STXBP5L: variants seen among roughly 807,000 people sequenced by gnomAD.
STXBP5L encodes syntaxin-binding protein 5-like.
Under a neutral mutation model 144.5 loss-of-function variants are expected in STXBP5L, and 65 were observed. The observed-to-expected ratio is 0.45, with a 90% CI of 0.37 to 0.55. STXBP5L has a LOEUF of 0.55. Among genes scored for constraint, STXBP5L ranks in the 20% least tolerant of loss-of-function variants. The probability of loss-of-function intolerance (pLI) is 0.00; values close to 1 mark genes in which losing one functional copy is unlikely to be tolerated. For synonymous variants in STXBP5L, 505 were observed against 469.6 expected (o/e 1.08, Z -0.97); for missense variants, 1,298 against 1,405.5 (o/e 0.92, Z 1.22).
intron 19 of STXBP5L, among the ~76,000 whole-genome samples, chr3:121,302,155 G>A (rs936985134): frequency 3.3e-5 from 5 of 152,190 alleles, no homozygotes; most frequent in East Asian, 1.9e-4. Flanking sequence ...GGTAGAATTC[G>A]GCTGTGAATA....
chr3:121,271,738 T>C (rs1260400120), intron 18 of STXBP5L, among the ~76,000 whole-genome samples: 1 of 152,206 alleles, frequency 6.6e-6, no homozygotes, highest in Non-Finnish European at 1.5e-5. Context: ...ACTGCATCAA[T>C]TAAAACTGTA....
At chr3:121,236,935 C>T (rs2049502583) in intron 12 of STXBP5L, among the ~76,000 whole-genome samples, 1 of 152,222 alleles carries the variant, frequency 6.6e-6, no homozygotes, top group Non-Finnish European at 1.5e-5. Flanking sequence ...CTTTAAAACA[C>T]AGCAGAGTAG....
intron 3 of STXBP5L, among the ~76,000 whole-genome samples, chr3:120,959,639 C>T (rs1466379430): frequency 6.6e-6 from 1 of 152,096 alleles, no homozygotes; most frequent in Non-Finnish European, 1.5e-5. Context: ...CTGACAAAAA[C>T]AAGAAAGGGG....
chr3:121,384,702 C>T (rs2046388970), intron 22 of STXBP5L, among the ~76,000 whole-genome samples: 1 of 151,558 alleles, frequency 6.6e-6, no homozygotes, highest in African/African-American at 2.4e-5. Flanking sequence ...CAGTACAAAA[C>T]TTGTGATGCA....
intron 20 of STXBP5L, among the ~76,000 whole-genome samples, chr3:121,334,276 T>G (rs1370565308): frequency 6.6e-6 from 1 of 152,064 alleles, no homozygotes; most frequent in Non-Finnish European, 1.5e-5. Flanking sequence ...ACCAGAAAAG[T>G]CCAGGTCCAG....
intron 3 of STXBP5L, among the ~76,000 whole-genome samples, chr3:121,033,226 GA>G (rs2107516282): frequency 7.1e-6 from 1 of 140,332 alleles, no homozygotes; most frequent in East Asian, 2.1e-4. Flanking sequence ...ATACACCATG[GA>G]ATACTATGCA....
At chr3:121,196,338 C>T (rs976781124) in intron 9 of STXBP5L, among the ~76,000 whole-genome samples, 5 of 151,846 alleles carry the variant, frequency 3.3e-5, no homozygotes, top group Non-Finnish European at 7.4e-5. Context: ...GGGATTTCAT[C>T]ATGTTGGTCA....
intron 3 of STXBP5L, among the ~76,000 whole-genome samples, chr3:120,960,610 G>A (rs1245184159): frequency 1.3e-5 from 2 of 152,114 alleles, no homozygotes; most frequent in African/African-American, 4.8e-5. Flanking sequence ...TCCTTTGTAG[G>A]GACATGGATG....
chr3:121,136,228 G>A (rs1399986308), intron 7 of STXBP5L, among the ~76,000 whole-genome samples: 1 of 152,182 alleles, frequency 6.6e-6, no homozygotes, highest in African/African-American at 2.4e-5. Flanking sequence ...CGAAGGAAAG[G>A]AAAGTATAAG....
At chr3:121,087,547 A>G (rs1225757049) in intron 5 of STXBP5L, among the ~76,000 whole-genome samples, 1 of 152,042 alleles carries the variant, frequency 6.6e-6, no homozygotes, top group Admixed American at 6.6e-5. Context: ...CTTATACTTT[A>G]AAGTTAGCTA....
intron 3 of STXBP5L, among the ~76,000 whole-genome samples, chr3:120,972,858 G>T (rs945927780): frequency 6.6e-6 from 1 of 152,024 alleles, no homozygotes; most frequent in Non-Finnish European, 1.5e-5. Context: ...TTCAGTTTAT[G>T]TGGTGAATCA....
intron 20 of STXBP5L, among the ~76,000 whole-genome samples, chr3:121,326,011 A>AAT (rs2044134031): frequency 6.6e-6 from 1 of 151,864 alleles, no homozygotes; most frequent in Admixed American, 6.6e-5. Context: ...AAAAAAAAAA[A>AAT]AGTGGGTTGA....
chr3:121,378,717 C>G lies in STXBP5L; in HGVS notation c.2178C>G (p.Asp726Glu). 6.2e-7 allele frequency: 1 copy of G among 1,613,120 alleles called. No homozygotes were observed. The highest frequency in any genetic ancestry group is 8.5e-7 in the Non-Finnish European group (1 of 1,179,558). Reference sequence around the variant, plus strand: ...GCTGCCTTCCTCCTCTTGGCACAGACCATGTAAATGGACACTGCACAAGTC... The same window carrying G: ...GCTGCCTTCCTCCTCTTGGCACAGAGCATGTAAATGGACACTGCACAAGTC... ...ELERCKSPTS[D>E]HVNGHCTSPT... The change falls in exon 21 of 27, where the codon GAC becomes GAG. Residue 726 changes from aspartate (D) to glutamate (E), a missense_variant and splice_region_variant. By Grantham distance (45) the Asp-to-Glu change is conservative. Coordinates refer to ENST00000471454, the MANE Select transcript of STXBP5L (RefSeq NM_001308330.2).
chr3:121,285,680 C>T (rs1295215239), intron 19 of STXBP5L, among the ~76,000 whole-genome samples: 2 of 152,068 alleles, frequency 1.3e-5, no homozygotes, highest in African/African-American at 4.8e-5. Flanking sequence ...GAACAGCAGA[C>T]ATCTGATCAG....
chr3:121,170,492 A>G (rs748657004), intron 9 of STXBP5L, among the ~76,000 whole-genome samples: 5 of 152,330 alleles, frequency 3.3e-5, no homozygotes, highest in Admixed American at 6.5e-5. Context: ...AGACACAATA[A>G]AAAATGATAA....
chr3:121,265,083 A>C (rs1215405493), intron 18 of STXBP5L, among the ~76,000 whole-genome samples: 2 of 152,216 alleles, frequency 1.3e-5, no homozygotes, highest in Non-Finnish European at 2.9e-5. Flanking sequence ...AAAATTAATA[A>C]GGATATTCTG....
At chr3:121,215,929 CT>C (rs1408295909) in intron 10 of STXBP5L, among the ~76,000 whole-genome samples, 1 of 152,096 alleles carries the variant, frequency 6.6e-6, no homozygotes, top group Non-Finnish European at 1.5e-5. Context: ...CTAATGTTTT[CT>C]TCATGCTTTA....
intron 10 of STXBP5L, among the ~76,000 whole-genome samples, chr3:121,207,028 T>A (rs1202682820): frequency 6.6e-6 from 1 of 152,172 alleles, no homozygotes; most frequent in East Asian, 1.9e-4. Context: ...GAATGTTTGT[T>A]TATAACTGCT....
intron 10 of STXBP5L, among the ~76,000 whole-genome samples, chr3:121,208,013 G>A (rs1489100163): frequency 6.6e-6 from 1 of 152,118 alleles, no homozygotes; most frequent in Admixed American, 6.6e-5. Flanking sequence ...AAATCATGCT[G>A]CTATAAAGAC....
Sources: gnomAD v4.1 joint callset for allele counts (sites outside exome capture counted in the v4.1 genomes callset) on GRCh38, gnomAD v4.1.1 for gene constraint, MANE v1.5 for transcripts, NCBI Gene and HGNC (gene_info 2026-07-23, HGNC 2026-07-21) for gene names.